Variants in GRM7 observed in about 807,000 individuals in gnomAD.
GRM7 encodes the protein metabotropic glutamate receptor 7.
A neutral mutation model predicts 84.5 loss-of-function variants in GRM7; 35 were observed. The ratio of observed to expected loss-of-function variants is 0.41; its 90% CI spans 0.32 to 0.55. The LOEUF (loss-of-function observed/expected upper bound fraction) is 0.55, where lower values mean the gene tolerates loss of function less well. Ranked by LOEUF, GRM7 falls within the 20% of genes least tolerant of loss-of-function variation. The probability of loss-of-function intolerance (pLI) is 0.19; values close to 1 mark genes in which losing one functional copy is unlikely to be tolerated. For synonymous variants in GRM7, 487 were observed against 455.1 expected (o/e 1.07, Z -0.89); for missense variants, 1,003 against 1,194.6 (o/e 0.84, Z 2.36).
chr3:7,042,055 C>T (rs1439633971), intron 1 of GRM7, among the ~76,000 whole-genome samples: 2 of 152,166 alleles, frequency 1.3e-5, no homozygotes, highest in Non-Finnish European at 2.9e-5. Flanking sequence ...CCCTACCTCC[C>T]ATACCTCGCC....
At chr3:7,229,755 A>ATTTTTTTTTTT (rs1266640710) in intron 2 of GRM7, among the ~76,000 whole-genome samples, 3 of 28,504 alleles carry the variant, frequency 1.1e-4, no homozygotes, top group Admixed American at 5.3e-4. Context: ...ATATATATAT[A>ATTTTTTTTTTT]TATATTTTTT....
At chr3:6,929,946 A>G (rs1382692143) in intron 1 of GRM7, among the ~76,000 whole-genome samples, 1 of 152,178 alleles carries the variant, frequency 6.6e-6, no homozygotes, top group Non-Finnish European at 1.5e-5. Context: ...AATTTTTACA[A>G]GGCAGACCCC....
chr3:7,339,552 C>T (rs73113710), intron 4 of GRM7, among the ~76,000 whole-genome samples: 13 of 152,170 alleles, frequency 8.5e-5, no homozygotes, highest in South Asian at 4.2e-4. Context: ...TGGCCTCCTA[C>T]GACCTCTGAG....
At chr3:6,940,354 T>A (rs1193973875) in intron 1 of GRM7, among the ~76,000 whole-genome samples, 2 of 152,206 alleles carry the variant, frequency 1.3e-5, no homozygotes, top group African/African-American at 2.4e-5. Flanking sequence ...CCTCCGAAAG[T>A]GCTGGGATTA....
chr3:7,573,893 A>G (rs1027688423), intron 7 of GRM7, among the ~76,000 whole-genome samples: 9 of 152,222 alleles, frequency 5.9e-5, no homozygotes, highest in African/African-American at 2.2e-4. Context: ...GTTTGCATGT[A>G]CCAAATGCAG....
chr3:7,683,457 A>G (rs1259496619), intron 9 of GRM7, among the ~76,000 whole-genome samples: 1 of 152,192 alleles, frequency 6.6e-6, no homozygotes, highest in Non-Finnish European at 1.5e-5. Flanking sequence ...CTCTTTGGTT[A>G]TTGTGTAGAC....
chr3:7,496,310 A>G (rs1487582450), intron 7 of GRM7, among the ~76,000 whole-genome samples: 2 of 152,238 alleles, frequency 1.3e-5, no homozygotes, highest in Non-Finnish European at 2.9e-5. Context: ...GCCTCTGGAC[A>G]TGATATGCTG....
chr3:6,989,367 A>T (rs145861299), intron 1 of GRM7, among the ~76,000 whole-genome samples: 102 of 152,360 alleles, frequency 6.7e-4, no homozygotes, highest in African/African-American at 2.4e-3. Flanking sequence ...AAGCTTATAA[A>T]TGAGAAAACT....
intron 1 of GRM7, among the ~76,000 whole-genome samples, chr3:6,977,245 C>T (rs781388): frequency 0.7 from 106,211 of 152,022 alleles, 37,823 homozygotes; most frequent in African/African-American, 0.85. Context: ...ATGTTATCTT[C>T]ACCAAAAACG....
chr3:7,198,128 GAAGTT>G (rs1443851336), intron 2 of GRM7, among the ~76,000 whole-genome samples: 1 of 147,564 alleles, frequency 6.8e-6, no homozygotes, highest in African/African-American at 2.5e-5. Context: ...GAAGATTAAT[GAAGTT>G]AAGGAATAAA....
intron 1 of GRM7, among the ~76,000 whole-genome samples, chr3:7,088,308 TA>T (rs1401490639): frequency 2.0e-5 from 3 of 152,036 alleles, no homozygotes; most frequent in African/African-American, 7.2e-5. Context: ...AAACTGATTG[TA>T]AAAAGGGGCA....
intron 4 of GRM7, among the ~76,000 whole-genome samples, chr3:7,327,703 A>G (rs1206399838): frequency 1.3e-5 from 2 of 152,298 alleles, no homozygotes; most frequent in South Asian, 2.1e-4. Flanking sequence ...AATGAAGCTT[A>G]TTAAGATATA....
chr3:7,326,614 G>A (rs1196948512), intron 4 of GRM7, among the ~76,000 whole-genome samples: 1 of 151,998 alleles, frequency 6.6e-6, no homozygotes, highest in Non-Finnish European at 1.5e-5. Flanking sequence ...TTTGGGGGCC[G>A]AGGCGGGTGG....
chr3:7,579,497 T>C (rs893658176), intron 8 of GRM7, 140 bp downstream of exon 8: 1 of 585,570 alleles, frequency 1.7e-6, no homozygotes, highest in African/African-American at 1.9e-5. Flanking sequence ...TAATTCAAGG[T>C]CTAGTAGGCT....
intron 4 of GRM7, among the ~76,000 whole-genome samples, chr3:7,368,983 G>A (rs1299876293): frequency 1.7e-5 from 1 of 59,120 alleles, no homozygotes; most frequent in Non-Finnish European, 3.2e-5. Flanking sequence ...TTCAATTCCA[G>A]TCACCTTTAA....
chr3:7,461,754 T>C, intron 7 of GRM7, 32 bp downstream of exon 7: 1 of 1,600,150 alleles, frequency 6.2e-7, no homozygotes, highest in African/African-American at 1.3e-5. Flanking sequence ...TCTTCCCTTG[T>C]TGAGATGAAT....
At chr3:7,212,184 A>G (rs896130951) in intron 2 of GRM7, among the ~76,000 whole-genome samples, 9 of 136,552 alleles carry the variant, frequency 6.6e-5, no homozygotes, top group African/African-American at 2.0e-4. Context: ...GGCTTCTGTC[A>G]TTCCTTTGGG....
intron 2 of GRM7, among the ~76,000 whole-genome samples, chr3:7,283,969 G>T (rs1699340260): frequency 1.3e-5 from 2 of 152,132 alleles, no homozygotes; most frequent in African/African-American, 4.8e-5. Flanking sequence ...AATTAAAAGT[G>T]CTGTCTATAA....
At chr3:7,554,488 A>G (rs1009571511) in intron 7 of GRM7, among the ~76,000 whole-genome samples, 1 of 152,246 alleles carries the variant, frequency 6.6e-6, no homozygotes, top group African/African-American at 2.4e-5. Context: ...AGTAATGTAC[A>G]ATAAAGTACA....
Sources: allele counts gnomAD v4.1 joint callset (sites outside exome capture counted in the v4.1 genomes callset), GRCh38; gene constraint gnomAD v4.1.1; transcripts MANE v1.5; gene names NCBI Gene and HGNC (gene_info 2026-07-23, HGNC 2026-07-21).